The following CYP24A1 variants were observed in gnomAD, a reference collection of about 807,000 sequenced individuals.
The protein encoded by CYP24A1 is cytochrome P450 family 24 subfamily A member 1, also known as 1,25-dihydroxyvitamin D(3) 24-hydroxylase, mitochondrial.
A neutral mutation model predicts 62.4 loss-of-function variants in CYP24A1; 68 were observed. The ratio of observed to expected loss-of-function variants is 1.09; its 90% CI spans 0.90 to 1.33. The LOEUF (loss-of-function observed/expected upper bound fraction) is 1.33, where lower values mean the gene tolerates loss of function less well. Among genes scored for constraint, CYP24A1 ranks in the 40% most tolerant of loss-of-function variants. The probability of loss-of-function intolerance (pLI) is 0.00; values close to 1 mark genes in which losing one functional copy is unlikely to be tolerated. For synonymous variants in CYP24A1, 267 were observed against 253.0 expected (o/e 1.06, Z -0.52); for missense variants, 787 against 653.0 (o/e 1.21, Z -2.24).
intron 5 of CYP24A1, 37 bp downstream of exon 5, chr20:54,165,705 C>G (rs995079236): frequency 8.0e-6 from 8 of 994,202 alleles, no homozygotes; most frequent in African/African-American, 4.7e-5. Flanking sequence ...TGTAAAACAT[C>G]AATCAAGAAA....
At position 54,169,625 on chromosome 20, in the gene CYP24A1, A is replaced by G. The variant is rs776885589; in HGVS notation, c.607T>C (p.Leu203=). Residue 203 remains leucine (L), a synonymous_variant, in exon 4 of 12, where the codon TTG becomes CTG. Transcript: ENST00000216862. The stretch of plus-strand genomic sequence containing the variant: ...GACCATTTGTTCAGTTCGCTGTACA[A>G]GTCTTCAACGTGGCCTCTTTCATCA... ...LCDERGHVED[L]YSELNKWSFE... 6.2e-7 allele frequency: 1 copy of G among 1,614,202 alleles called. No individual in the cohort carries two copies. The highest frequency in any genetic ancestry group is 2.2e-5 in the East Asian group (1 of 44,890).
At chr20:54,148,264 A>G in the CYP24A1 span, among the ~76,000 whole-genome samples, 1 of 151,882 alleles carries the variant, frequency 6.6e-6, no homozygotes, top group Non-Finnish European at 1.5e-5. Context: ...CATGAACAGT[A>G]CAAAGAATTC....
chr20:54,169,784 C>T lies in CYP24A1; in HGVS notation c.544-96G>A, dbSNP rs577739545. 518 of 1,574,050 alleles carry T rather than the reference C, an allele frequency of 3.3e-4. 1 individual carries two copies. Among genetic ancestry groups the T allele is most frequent in the Middle Eastern group, 6.7e-4 (4 of 5,988 alleles). ...GAGCTAACTTCAGGTCTTGCTACAT[C>T]GCATATTCACTGGCCATAATGTTAT... On this transcript the variant is annotated intron_variant, in intron 3 of 11. Coordinates refer to ENST00000216862, the MANE Select transcript of CYP24A1 (RefSeq NM_000782.5).
chr20:54,147,425 G>C, the CYP24A1 span, among the ~76,000 whole-genome samples: 1 of 152,200 alleles, frequency 6.6e-6, no homozygotes, highest in Non-Finnish European at 1.5e-5. Context: ...ATCAAGAGTA[G>C]AGGCTGAGTC....
intron 3 of CYP24A1, 116 bp from the exon 4 acceptor site, chr20:54,169,804 T>C (rs2092687974): frequency 1.3e-6 from 2 of 1,547,416 alleles, no homozygotes; most frequent in Non-Finnish European, 8.7e-7. Flanking sequence ...CTGGCCATAA[T>C]GTTATTCATC....
chr20:54,172,857 G>A (rs1368774192), intron 2 of CYP24A1, 52 bp downstream of exon 2: 3 of 1,611,334 alleles, frequency 1.9e-6, no homozygotes, highest in Non-Finnish European at 2.5e-6. Context: ...TCCAGGCGCC[G>A]TCAGGCTCAT....
chr20:54,172,717 CT>C, intron 2 of CYP24A1, 191 bp downstream of exon 2: 1 of 1,348,662 alleles, frequency 7.4e-7, no homozygotes, highest in Non-Finnish European at 9.8e-7. Context: ...CACAGCACGG[CT>C]TTTCCGTGGA....
At chr20:54,150,041 C>T (rs147104141), downstream of CYP24A1, among the ~76,000 whole-genome samples, 6 of 152,270 alleles carry the variant, frequency 3.9e-5, no homozygotes, top group South Asian at 2.1e-4. Context: ...ATTAGTGGAA[C>T]GCTAAGCTTC....
intron 2 of CYP24A1, 106 bp from the exon 3 acceptor site, chr20:54,171,776 G>A (rs567985549): frequency 8.1e-6 from 13 of 1,597,750 alleles, no homozygotes; most frequent in East Asian, 4.5e-5. Flanking sequence ...AACAAACACT[G>A]AGAATCATGC....
rs149240951 is a variant in CYP24A1, at chr20:54,153,637, G to A, written c.*1135C>T. 299 of 152,626 alleles carry A rather than the reference G, an allele frequency of 2.0e-3. 1 individual carries two copies. Among genetic ancestry groups the A allele is most frequent in the African/African-American group, 6.9e-3 (288 of 41,536 alleles). The allele number at this position is 152,626 out of a possible 1,614,324, so 9.5% of individuals were successfully genotyped here. On this transcript the variant is annotated 3_prime_UTR_variant, in exon 12 of 12. Transcript: ENST00000216862. ...TTCTGAAATATTCTAAAAATATAATGTAGGAAGAAATATTTATCAAATACA... is the reference window on the plus strand; with the variant it reads ...TTCTGAAATATTCTAAAAATATAATATAGGAAGAAATATTTATCAAATACA...
rs1413437455 is a variant in CYP24A1, at chr20:54,164,481, G to A, written c.815C>T (p.Thr272Ile). The change falls in exon 6 of 12, where the codon ACT (threonine) becomes ATT (isoleucine). Residue 272 changes from threonine to isoleucine, a missense_variant. Coordinates refer to ENST00000216862, the MANE Select transcript of CYP24A1 (RefSeq NM_000782.5). ...TTTGAAAATGGTGTCCCAGGCCAGA[G>A]TGTGGTCCTGCCAGACCTTGGTGTT... ...SLNTKVWQDH[T>I]LAWDTIFKSV... is the part of the protein sequence containing the mutation. 1 of 1,614,210 alleles carries A rather than the reference G, an allele frequency of 6.2e-7. No individual in the cohort carries two copies. Among genetic ancestry groups the A allele is most frequent in the Non-Finnish European group, 8.5e-7 (1 of 1,180,028 alleles).
intron 7 of CYP24A1, among the ~76,000 whole-genome samples, chr20:54,162,220 C>CTTTTGTTTT (rs1568968780): frequency 1.1e-4 from 8 of 72,550 alleles, no homozygotes; most frequent in South Asian, 5.9e-4. Context: ...GAGAGTATGC[C>CTTTTGTTTT]TTTTTTTTTT....
chr20:54,146,502 A>G, the CYP24A1 span, among the ~76,000 whole-genome samples: 1 of 152,224 alleles, frequency 6.6e-6, no homozygotes, highest in African/African-American at 2.4e-5. Context: ...AGCATTAACA[A>G]TACATAAAAT....
chr20:54,150,510 C>T (rs955843167), downstream of CYP24A1, among the ~76,000 whole-genome samples: 6 of 152,062 alleles, frequency 3.9e-5, no homozygotes, highest in South Asian at 2.1e-4. Flanking sequence ...ATTTTTAGTA[C>T]AGATGGGGTT....
chr20:54,172,741 T>C (rs2092698110), intron 2 of CYP24A1, 168 bp downstream of exon 2: 1 of 1,458,202 alleles, frequency 6.9e-7, no homozygotes, highest in Non-Finnish European at 9.1e-7. Context: ...GACTCTAATC[T>C]GTACAAGAGC....
intron 11 of CYP24A1, 120 bp from the exon 12 acceptor site, chr20:54,154,881 C>A (rs957614656): frequency 8.0e-6 from 1 of 124,278 alleles, no homozygotes; most frequent in South Asian, 2.7e-4. Flanking sequence ...TTTCCGGTAA[C>A]GTAGAAGCCA....
At chr20:54,158,490 A>G (rs1354123313) in intron 8 of CYP24A1, among the ~76,000 whole-genome samples, 1 of 152,170 alleles carries the variant, frequency 6.6e-6, no homozygotes, top group African/African-American at 2.4e-5. Flanking sequence ...TGTTTCTCCA[A>G]TCTACTCTTC....
intron 7 of CYP24A1, among the ~76,000 whole-genome samples, chr20:54,160,339 C>A (rs2092645697): frequency 6.6e-6 from 1 of 152,190 alleles, no homozygotes; most frequent in South Asian, 2.1e-4. Context: ...TAATATTCAC[C>A]ACTAGTAGTC....
At chr20:54,147,521 A>C in the CYP24A1 span, among the ~76,000 whole-genome samples, 2 of 152,318 alleles carry the variant, frequency 1.3e-5, no homozygotes, top group South Asian at 4.1e-4. Flanking sequence ...CAGGGGCCAC[A>C]CAGACCAGGA....
Sources: allele counts gnomAD v4.1 joint callset (sites outside exome capture counted in the v4.1 genomes callset), GRCh38; gene constraint gnomAD v4.1.1; transcripts MANE v1.5; gene names NCBI Gene and HGNC (gene_info 2026-07-23, HGNC 2026-07-21).